The following LRRC4C variants were observed in gnomAD, a reference collection of about 807,000 sequenced individuals.
LRRC4C encodes leucine-rich repeat-containing protein 4C.
A neutral mutation model predicts 33.6 loss-of-function variants in LRRC4C; 5 were observed. The observed-to-expected ratio is 0.15, with a 90% CI of 0.08 to 0.31. LRRC4C has a LOEUF of 0.31. Ranked by LOEUF, LRRC4C falls within the 10% of genes least tolerant of loss-of-function variation. The pLI, the probability that LRRC4C is intolerant of heterozygous loss-of-function variation, is 1.00. For synonymous variants in LRRC4C, 329 were observed against 302.0 expected, an observed-to-expected ratio of 1.09 and a Z score of -0.93; for missense variants, 560 against 796.7, an observed-to-expected ratio of 0.70 and a Z score of 3.58.
intron 5 of LRRC4C, among the ~76,000 whole-genome samples, chr11:40,185,292 A>G (rs898727281): frequency 2.6e-5 from 4 of 152,096 alleles, no homozygotes; most frequent in Non-Finnish European, 5.9e-5. Context: ...CCTACCCCAA[A>G]GACAGAATTA....
At chr11:40,394,640 A>G (rs1949468050) in intron 3 of LRRC4C, among the ~76,000 whole-genome samples, 1 of 152,282 alleles carries the variant, frequency 6.6e-6, no homozygotes, top group East Asian at 1.9e-4. Flanking sequence ...AAATGACCCA[A>G]AAGAAGCTCT....
At chr11:40,611,816 T>C (rs1338331723) in intron 3 of LRRC4C, among the ~76,000 whole-genome samples, 1 of 151,564 alleles carries the variant, frequency 6.6e-6, no homozygotes, top group Non-Finnish European at 1.5e-5. Flanking sequence ...CATAAGGAAA[T>C]ATCACTTTGT....
At chr11:41,068,399 A>C (rs7931569) in intron 1 of LRRC4C, among the ~76,000 whole-genome samples, 146,418 of 151,768 alleles carry the variant, frequency 0.96, 70,853 homozygotes, top group East Asian at 1. Flanking sequence ...CCCTCCCCCC[A>C]ACAAAAAAAA....
intron 3 of LRRC4C, among the ~76,000 whole-genome samples, chr11:40,600,907 G>A (rs188337867): frequency 1.2e-4 from 18 of 152,234 alleles, no homozygotes; most frequent in African/African-American, 4.3e-4. Context: ...ACATACAATG[G>A]TCATAGAAAG....
intron 3 of LRRC4C, among the ~76,000 whole-genome samples, chr11:40,500,801 C>T (rs1335330496): frequency 6.6e-6 from 1 of 152,052 alleles, no homozygotes; most frequent in Non-Finnish European, 1.5e-5. Context: ...ATCTCATGTC[C>T]TCAAATTTCA....
intron 3 of LRRC4C, among the ~76,000 whole-genome samples, chr11:40,567,654 A>G (rs1184270604): frequency 6.6e-6 from 1 of 152,208 alleles, no homozygotes; most frequent in African/African-American, 2.4e-5. Flanking sequence ...TTTGACATAC[A>G]CTTACTAGAA....
intron 2 of LRRC4C, among the ~76,000 whole-genome samples, chr11:40,781,540 C>A (rs1304526546): frequency 6.6e-6 from 1 of 152,080 alleles, no homozygotes; most frequent in Non-Finnish European, 1.5e-5. Context: ...CTATGCCTCA[C>A]CTTGAACTTA....
intron 1 of LRRC4C, among the ~76,000 whole-genome samples, chr11:41,177,620 G>A (rs1239170436): frequency 6.6e-6 from 1 of 152,158 alleles, no homozygotes; most frequent in African/African-American, 2.4e-5. Context: ...TCATTTGGAT[G>A]AGTCAATTCA....
chr11:41,035,994 T>C (rs950457780), intron 1 of LRRC4C, among the ~76,000 whole-genome samples: 3 of 152,030 alleles, frequency 2.0e-5, no homozygotes, highest in Non-Finnish European at 4.4e-5. Context: ...TATAGAAATG[T>C]AACTATACAA....
intron 2 of LRRC4C, among the ~76,000 whole-genome samples, chr11:40,766,437 G>A (rs1949465980): frequency 7.4e-6 from 1 of 134,362 alleles, no homozygotes; most frequent in Admixed American, 7.6e-5. Context: ...GTAATAGAAA[G>A]TACATAGACA....
chr11:41,177,680 C>G (rs1590847784), intron 1 of LRRC4C, among the ~76,000 whole-genome samples: 1 of 152,164 alleles, frequency 6.6e-6, no homozygotes, highest in Middle Eastern at 3.4e-3. Context: ...GGGTTACATC[C>G]CAAGCCTTCA....
chr11:41,135,025 T>C (rs1943193926), intron 1 of LRRC4C, among the ~76,000 whole-genome samples: 1 of 151,986 alleles, frequency 6.6e-6, no homozygotes, highest in African/African-American at 2.4e-5. Flanking sequence ...TTGAGAGACA[T>C]CATGAAAAAT....
At chr11:40,725,455 G>T (rs1302201145) in intron 2 of LRRC4C, among the ~76,000 whole-genome samples, 1 of 151,672 alleles carries the variant, frequency 6.6e-6, no homozygotes, top group Non-Finnish European at 1.5e-5. Flanking sequence ...TTGCAGTGAG[G>T]CAGTGAGCCG....
At chr11:40,669,249 GT>G (rs1354413136) in intron 2 of LRRC4C, among the ~76,000 whole-genome samples, 1 of 152,114 alleles carries the variant, frequency 6.6e-6, no homozygotes, top group East Asian at 1.9e-4. Context: ...GTTTTTAGGA[GT>G]TCATAAGGCA....
intron 3 of LRRC4C, among the ~76,000 whole-genome samples, chr11:40,462,219 T>G (rs1293567728): frequency 6.6e-6 from 1 of 152,178 alleles, no homozygotes; most frequent in African/African-American, 2.4e-5. Context: ...ATTCTTTCTA[T>G]TCATAACATA....
At chr11:40,497,829 CA>C (rs1380459689) in intron 3 of LRRC4C, among the ~76,000 whole-genome samples, 1 of 152,118 alleles carries the variant, frequency 6.6e-6, no homozygotes, top group Non-Finnish European at 1.5e-5. Flanking sequence ...AGCTAAGGGT[CA>C]GAAGTTAAGC....
rs940947611 is a variant in LRRC4C, at chr11:40,856,319, C to T, written c.-407+77316G>A. On this transcript the variant is annotated intron_variant, in intron 2 of 6. Coordinates refer to ENST00000528697, the MANE Select transcript of LRRC4C (RefSeq NM_001258419.2). The stretch of plus-strand genomic sequence containing the variant: ...TAGAAATTGTTCTGTTAACTAGATA[C>T]AGATTTGTGGTCCATTTCAGAGCCT... Among the ~76,000 whole-genome samples, 7 of 152,134 alleles carry T rather than the reference C, an allele frequency of 4.6e-5. No homozygotes were observed. In the East Asian group the frequency reaches 5.8e-4, roughly 13 times the overall value.
At chr11:41,270,698 T>C (rs1949293667) in intron 1 of LRRC4C, among the ~76,000 whole-genome samples, 1 of 152,146 alleles carries the variant, frequency 6.6e-6, no homozygotes, top group Non-Finnish European at 1.5e-5. Context: ...TAGCCAGGCA[T>C]TTTACCTTTC....
At position 41,304,692 on chromosome 11, in the gene LRRC4C, G is replaced by A. The variant is rs868110271; in HGVS notation, c.-496+154739C>T. Among the ~76,000 whole-genome samples, 11 of 72,194 alleles carry A rather than the reference G, an allele frequency of 1.5e-4. 1 individual carries two copies. Among genetic ancestry groups the A allele is most frequent in the Admixed American group, 3.1e-4 (2 of 6,440 alleles). 47.4% of individuals were successfully genotyped at this position (72,194 alleles called of 152,430 possible). A position where few individuals can be genotyped will look rare whatever the true frequency, so the allele number is the denominator to read the frequency against. On this transcript the variant is annotated intron_variant, in intron 1 of 6. Transcript: ENST00000528697. ...AGGTTGGGGGGTCAGCCCCCCGCCCGGCCAGCCACCCCGTCCGGGAGGGAG... is the reference window on the plus strand; with the variant it reads ...AGGTTGGGGGGTCAGCCCCCCGCCCAGCCAGCCACCCCGTCCGGGAGGGAG...
Sources: gnomAD v4.1 joint callset for allele counts (sites outside exome capture counted in the v4.1 genomes callset) on GRCh38, gnomAD v4.1.1 for gene constraint, MANE v1.5 for transcripts, NCBI Gene and HGNC (gene_info 2026-07-23, HGNC 2026-07-21) for gene names.